The following CDC42BPA variants were observed in gnomAD, a reference collection of about 807,000 sequenced individuals.
The protein encoded by CDC42BPA is CDC42 binding protein kinase alpha.
In CDC42BPA, 80 loss-of-function variants were observed where a neutral mutation model predicts 223.5. That is an observed-to-expected ratio of 0.36 (90% CI 0.30 to 0.43). The LOEUF (loss-of-function observed/expected upper bound fraction) is 0.43. Ranked by LOEUF, CDC42BPA falls within the 20% of genes least tolerant of loss-of-function variation. The pLI, the probability that CDC42BPA is intolerant of heterozygous loss-of-function variation, is 1.00. For missense variants in CDC42BPA, 1,743 were observed against 2,099.9 expected (o/e 0.83, Z 3.32); for synonymous variants, 694 against 718.6 (o/e 0.97, Z 0.55).
At chr1:227,129,322 T>C (rs1232427920) in intron 10 of CDC42BPA, 91 bp from the exon 11 acceptor site, 9 of 940,238 alleles carry the variant, frequency 9.6e-6, no homozygotes, top group African/African-American at 1.7e-5. Flanking sequence ...GAAATTCTTA[T>C]ACAATTTTAT....
intron 28 of CDC42BPA, 41 bp downstream of exon 28, chr1:227,031,257 T>TA: frequency 6.7e-7 from 1 of 1,486,928 alleles, no homozygotes; most frequent in Non-Finnish European, 9.4e-7. Context: ...GGTAGATTAG[T>TA]AAACAATGAT....
chr1:227,102,426 C>T (rs758892649), intron 14 of CDC42BPA, among the ~76,000 whole-genome samples: 3 of 152,178 alleles, frequency 2.0e-5, no homozygotes, highest in Non-Finnish European at 4.4e-5. Context: ...TGAAGCATCG[C>T]TATGAAAATG....
At chr1:227,032,356 C>T (rs1669440041) in intron 27 of CDC42BPA, among the ~76,000 whole-genome samples, 1 of 151,984 alleles carries the variant, frequency 6.6e-6, no homozygotes, top group Non-Finnish European at 1.5e-5. Flanking sequence ...AACTAAGAGA[C>T]TAAGTATAAT....
intron 35 of CDC42BPA, among the ~76,000 whole-genome samples, chr1:227,002,771 G>A (rs1023243617): frequency 4.6e-5 from 7 of 152,152 alleles, no homozygotes; most frequent in African/African-American, 9.7e-5. Context: ...GAACTCAGAC[G>A]TGTCCACAAC....
intron 22 of CDC42BPA, among the ~76,000 whole-genome samples, chr1:227,048,698 C>T (rs1287233239): frequency 2.1e-5 from 3 of 141,688 alleles, no homozygotes; most frequent in Admixed American, 7.3e-5. Flanking sequence ...CCAATCATTC[C>T]ACTGGATGTT....
rs199622925 is a variant in CDC42BPA, at chr1:227,284,977, AT to A, written c.179-30823del. Among the ~76,000 whole-genome samples the A allele has an allele frequency of 7.5e-4, 114 of 151,730 alleles. 4 individuals are homozygous for A. The highest frequency in any genetic ancestry group is 6.8e-3 in the Middle Eastern group (2 of 294). On this transcript the variant is annotated intron_variant, in intron 1 of 36. Coordinates refer to ENST00000366766, the MANE Select transcript of CDC42BPA (RefSeq NM_001394014.1). ...GACCCCATCTCACAAAAAAAAAAAA[AT>A]AATCCCCTTTGTTCTGGATCAAAGC...
chr1:227,114,219 A>G (rs1264747716), intron 12 of CDC42BPA, among the ~76,000 whole-genome samples: 1 of 151,992 alleles, frequency 6.6e-6, no homozygotes, highest in Non-Finnish European at 1.5e-5. Flanking sequence ...AAGACAAATC[A>G]CCTATTCCCC....
chr1:226,995,852 C>T (rs1251957314), intron 35 of CDC42BPA, among the ~76,000 whole-genome samples: 2 of 152,124 alleles, frequency 1.3e-5, no homozygotes, highest in Admixed American at 6.5e-5. Context: ...GATGATTGGT[C>T]CAAAAGACTG....
intron 21 of CDC42BPA, among the ~76,000 whole-genome samples, chr1:227,052,253 A>C (rs1047859878): frequency 4.6e-5 from 7 of 152,208 alleles, no homozygotes; most frequent in African/African-American, 1.4e-4. Flanking sequence ...CCCTGGTCCT[A>C]CTGCACATTC....
At chr1:227,303,119 G>C (rs1691951612) in intron 1 of CDC42BPA, among the ~76,000 whole-genome samples, 1 of 151,742 alleles carries the variant, frequency 6.6e-6, no homozygotes, top group African/African-American at 2.4e-5. Context: ...CAGATGTCTG[G>C]CAATTCTATT....
chr1:227,235,895 T>A lies in CDC42BPA; in HGVS notation c.270+18169A>T, dbSNP rs530257106. Among the ~76,000 whole-genome samples, 7 of 152,278 alleles carry A rather than the reference T, an allele frequency of 4.6e-5. No individual in the cohort carries two copies. In the East Asian group the frequency reaches 1.4e-3, roughly 29 times the overall value. ...GGAGGATTTAAATTCCCATATATAATCAGTATCTCTTGGCAAGTACTTTCT... is the reference window on the plus strand; with the variant it reads ...GGAGGATTTAAATTCCCATATATAAACAGTATCTCTTGGCAAGTACTTTCT... On this transcript the variant is annotated intron_variant, in intron 2 of 36. Transcript: ENST00000366766.
chr1:227,101,818 A>T (rs1405424461), intron 14 of CDC42BPA, among the ~76,000 whole-genome samples: 1 of 152,170 alleles, frequency 6.6e-6, no homozygotes, highest in Non-Finnish European at 1.5e-5. Flanking sequence ...GGTATGATTA[A>T]GAAGGAGAAG....
intron 11 of CDC42BPA, among the ~76,000 whole-genome samples, chr1:227,121,793 CTTTT>C (rs1049096100): frequency 6.3e-5 from 9 of 142,152 alleles, no homozygotes; most frequent in Middle Eastern, 3.9e-3. Flanking sequence ...CCAACAATTT[CTTTT>C]TTTTCTTTTT....
chr1:227,198,001 TG>T (rs1337495260), intron 4 of CDC42BPA, among the ~76,000 whole-genome samples: 1 of 152,182 alleles, frequency 6.6e-6, no homozygotes, highest in Non-Finnish European at 1.5e-5. Flanking sequence ...CTCTATGCTA[TG>T]GTTTTTACAC....
At chr1:227,056,172 T>A (rs1413577074) in intron 21 of CDC42BPA, among the ~76,000 whole-genome samples, 1 of 152,176 alleles carries the variant, frequency 6.6e-6, no homozygotes. Context: ...TCATCTTGAA[T>A]ATGTATCAAC....
At chr1:227,133,284 T>G (rs1571875666) in intron 10 of CDC42BPA, among the ~76,000 whole-genome samples, 2 of 141,384 alleles carry the variant, frequency 1.4e-5, no homozygotes, top group East Asian at 4.6e-4. Flanking sequence ...CGGCCGCCCC[T>G]ACTGGGAAGT....
chr1:227,039,908 TAACAA>T (rs1227588341), intron 24 of CDC42BPA, among the ~76,000 whole-genome samples: 4 of 152,156 alleles, frequency 2.6e-5, no homozygotes, highest in African/African-American at 4.8e-5. Context: ...ACAAATTTAA[TAACAA>T]AACAAAGACA....
At chr1:227,245,762 T>C (rs1156331202) in intron 2 of CDC42BPA, among the ~76,000 whole-genome samples, 1 of 152,156 alleles carries the variant, frequency 6.6e-6, no homozygotes, top group Non-Finnish European at 1.5e-5. Context: ...CTGGCAGGAC[T>C]CATCACCTGC....
intron 1 of CDC42BPA, among the ~76,000 whole-genome samples, chr1:227,302,485 A>C (rs1331102134): frequency 6.6e-6 from 1 of 152,128 alleles, no homozygotes; most frequent in Admixed American, 6.5e-5. Context: ...AAAAGGCCAA[A>C]GAGTTTCTGA....
Sources: gnomAD v4.1 joint callset for allele counts (sites outside exome capture counted in the v4.1 genomes callset) on GRCh38, gnomAD v4.1.1 for gene constraint, MANE v1.5 for transcripts, NCBI Gene and HGNC (gene_info 2026-07-23, HGNC 2026-07-21) for gene names.